ACAP2: variants seen among roughly 807,000 people sequenced by gnomAD.
ACAP2 encodes the protein ArfGAP with coiled-coil, ankyrin repeat and PH domains 2.
ACAP2 carries 39 observed loss-of-function variants against 115.8 expected under a neutral mutation model. That is an observed-to-expected ratio of 0.34 (90% CI 0.26 to 0.44). ACAP2 has a LOEUF of 0.44. Among genes scored for constraint, ACAP2 ranks in the 20% least tolerant of loss-of-function variants. The pLI is 1.00. For missense variants in ACAP2, 662 were observed against 927.6 expected, an observed-to-expected ratio of 0.71 and a Z score of 3.72; for synonymous variants, 289 against 315.8, an observed-to-expected ratio of 0.92 and a Z score of 0.90.
intron 4 of ACAP2, among the ~76,000 whole-genome samples, chr3:195,354,259 G>A (rs1731803265): frequency 1.3e-5 from 2 of 152,172 alleles, no homozygotes; most frequent in Admixed American, 6.5e-5. Flanking sequence ...TGGGCATTTA[G>A]GTTGATTCCA....
intron 1 of ACAP2, among the ~76,000 whole-genome samples, chr3:195,412,306 G>T (rs1364200303): frequency 6.6e-6 from 1 of 151,778 alleles, no homozygotes; most frequent in East Asian, 1.9e-4. Context: ...TGTGAGCAGG[G>T]TGTGATGGCT....
chr3:195,279,349 C>T lies in ACAP2; in HGVS notation c.2316G>A (p.Gln772=). The T allele has an allele frequency of 6.2e-7, 1 of 1,602,772 alleles. No homozygotes were observed. The highest frequency in any genetic ancestry group is 8.5e-7 in the Non-Finnish European group (1 of 1,176,180). ...AAATTCAGAATTTCTGTGAATCTTG[C>T]TGGAAACGATTTAGTTTCTCTGGAT... is the stretch of plus-strand genomic sequence containing the variant. ...SNNPEKLNRF[Q]QDSQKF The change falls in exon 23 of 23, where the codon CAG becomes CAA. Residue 772 remains glutamine, a synonymous_variant. Coordinates refer to ENST00000326793, the MANE Select transcript of ACAP2 (RefSeq NM_012287.6).
chr3:195,296,768 G>A (rs1727680686), intron 16 of ACAP2, among the ~76,000 whole-genome samples: 1 of 152,106 alleles, frequency 6.6e-6, no homozygotes, highest in South Asian at 2.1e-4. Context: ...ATATTATAAT[G>A]CCATGCATAA....
chr3:195,365,524 G>A (rs928110123), intron 4 of ACAP2, among the ~76,000 whole-genome samples: 1 of 151,774 alleles, frequency 6.6e-6, no homozygotes, highest in Non-Finnish European at 1.5e-5. Context: ...CTATGATCAT[G>A]CCCCTGCACT....
At chr3:195,390,566 C>T (rs1182279903) in intron 2 of ACAP2, among the ~76,000 whole-genome samples, 1 of 152,076 alleles carries the variant, frequency 6.6e-6, no homozygotes, top group African/African-American at 2.4e-5. Context: ...TATATCCTTG[C>T]TACTCAAAAG....
chr3:195,391,468 C>T (rs1234195688), intron 2 of ACAP2, among the ~76,000 whole-genome samples: 1 of 151,804 alleles, frequency 6.6e-6, no homozygotes, highest in Admixed American at 6.6e-5. Context: ...TCAGGTGATC[C>T]GCCCATCTCA....
intron 17 of ACAP2, 66 bp from the exon 18 acceptor site, chr3:195,294,877 C>A: frequency 9.5e-7 from 1 of 1,057,426 alleles, no homozygotes; most frequent in Non-Finnish European, 1.4e-6. Flanking sequence ...CTCCCACAAA[C>A]AAGGTTTTAA....
chr3:195,338,529 C>T (rs979269413), intron 6 of ACAP2, among the ~76,000 whole-genome samples: 1 of 152,148 alleles, frequency 6.6e-6, no homozygotes, highest in Non-Finnish European at 1.5e-5. Context: ...CTGTGTTGCA[C>T]AGTCTGGTCT....
chr3:195,277,626 C>T lies in ACAP2; in HGVS notation c.*1702G>A, dbSNP rs1282233726. 5.3e-5 allele frequency: 8 copies of T among 152,120 alleles called. No homozygotes were observed. The highest frequency in any genetic ancestry group is 1.0e-4 in the Non-Finnish European group (7 of 68,032). The allele number at this position is 152,120 out of a possible 1,614,324, so 9.4% of individuals were successfully genotyped here. ...TTTGATGTTTAATCAACTTATAAAACCCTAGTGACTGGGAAATGTTAGAAA... is the reference window on the plus strand; with the variant it reads ...TTTGATGTTTAATCAACTTATAAAATCCTAGTGACTGGGAAATGTTAGAAA... On this transcript the variant is annotated 3_prime_UTR_variant, in exon 23 of 23. Transcript: ENST00000326793.
chr3:195,400,920 C>T (rs1200326994), intron 1 of ACAP2, among the ~76,000 whole-genome samples: 1 of 152,112 alleles, frequency 6.6e-6, no homozygotes, highest in Non-Finnish European at 1.5e-5. Context: ...AGAGGCCAGG[C>T]GAGGTGGCTC....
intron 4 of ACAP2, among the ~76,000 whole-genome samples, chr3:195,352,037 G>C (rs1176884509): frequency 6.6e-6 from 1 of 152,162 alleles, no homozygotes; most frequent in Non-Finnish European, 1.5e-5. Context: ...TTAAAGAAAT[G>C]TAAAACAGTC....
At chr3:195,359,669 G>T (rs559614731) in intron 4 of ACAP2, among the ~76,000 whole-genome samples, 1 of 152,124 alleles carries the variant, frequency 6.6e-6, no homozygotes, top group African/African-American at 2.4e-5. Flanking sequence ...GGGCTTCACC[G>T]TGTTAGCCAG....
chr3:195,367,103 T>C (rs1367257772), intron 4 of ACAP2, among the ~76,000 whole-genome samples: 2 of 148,612 alleles, frequency 1.3e-5, no homozygotes, highest in Non-Finnish European at 3.0e-5. Flanking sequence ...CTGCAACGCA[T>C]GGTTTGCCAA....
intron 4 of ACAP2, among the ~76,000 whole-genome samples, chr3:195,378,234 T>A (rs1343330609): frequency 2.6e-5 from 4 of 152,240 alleles, no homozygotes; most frequent in African/African-American, 9.6e-5. Flanking sequence ...GGCTGACGCC[T>A]GTAATCCCAG....
At chr3:195,438,905 C>CA (rs1715789047) in intron 1 of ACAP2, among the ~76,000 whole-genome samples, 1 of 151,854 alleles carries the variant, frequency 6.6e-6, no homozygotes. Context: ...ACTAAAAATA[C>CA]AAAAAATTAG....
At chr3:195,378,946 T>A (rs910673023) in intron 4 of ACAP2, among the ~76,000 whole-genome samples, 1 of 151,990 alleles carries the variant, frequency 6.6e-6, no homozygotes, top group African/African-American at 2.4e-5. Context: ...GGTATTATTA[T>A]ATAAAGAAAT....
chr3:195,387,795 C>T (rs533252153), intron 2 of ACAP2, among the ~76,000 whole-genome samples: 1 of 152,362 alleles, frequency 6.6e-6, no homozygotes, highest in Admixed American at 6.5e-5. Context: ...CTTCAAGGAG[C>T]TAACAGTCTG....
chr3:195,388,399 G>A (rs573671988), intron 2 of ACAP2, among the ~76,000 whole-genome samples: 1 of 152,288 alleles, frequency 6.6e-6, no homozygotes, highest in East Asian at 1.9e-4. Flanking sequence ...AGAACACCTG[G>A]CAAGAATGGA....
At chr3:195,384,006 C>T (rs1427170902) in intron 2 of ACAP2, among the ~76,000 whole-genome samples, 3 of 152,134 alleles carry the variant, frequency 2.0e-5, no homozygotes, top group Non-Finnish European at 2.9e-5. Flanking sequence ...GAAATAGTCA[C>T]TCTCACGCAT....
Sources: allele counts gnomAD v4.1 joint callset (sites outside exome capture counted in the v4.1 genomes callset), GRCh38; gene constraint gnomAD v4.1.1; transcripts MANE v1.5; gene names NCBI Gene and HGNC (gene_info 2026-07-23, HGNC 2026-07-21).